DPYD: variants seen among roughly 807,000 people sequenced by gnomAD.
DPYD encodes the protein dihydropyrimidine dehydrogenase.
Under a neutral mutation model 116.2 loss-of-function variants are expected in DPYD, and 109 were observed. That is an observed-to-expected ratio of 0.94 (90% confidence interval 0.80 to 1.10). The LOEUF (loss-of-function observed/expected upper bound fraction) is 1.10. DPYD is among the 50% of genes least tolerant of loss of function. DPYD has a pLI of 0.00. For synonymous variants in DPYD, 440 were observed against 432.0 expected (o/e 1.02, Z -0.23); for missense variants, 1,302 against 1,254.5 (o/e 1.04, Z -0.57).
rs1667487348 is a variant in DPYD at position 97,311,095 on chromosome 1, T to C, written c.2059-4798A>G. Among the ~76,000 whole-genome samples, 3 of 151,620 alleles carry C rather than the reference T, an allele frequency of 2.0e-5. No individual in the cohort carries two copies. In the South Asian group the frequency reaches 6.2e-4, roughly 31 times the overall value. ...ACTGAGAATTAGGCTGGAGGAGCAA[T>C]TAAGTGGAAATAAGTATAAGAAAAT... On this transcript the variant is annotated intron_variant, in intron 16 of 22. Transcript: ENST00000370192.
intron 4 of DPYD, among the ~76,000 whole-genome samples, chr1:97,725,867 T>C (rs532709534): frequency 2.0e-5 from 3 of 151,610 alleles, no homozygotes; most frequent in East Asian, 3.9e-4. Flanking sequence ...AGGTTTTTTT[T>C]AGCGGTGATA....
At chr1:97,433,165 T>C (rs1156925883) in intron 14 of DPYD, among the ~76,000 whole-genome samples, 1 of 152,144 alleles carries the variant, frequency 6.6e-6, no homozygotes, top group Non-Finnish European at 1.5e-5. Flanking sequence ...TCAAGGCTTT[T>C]TCCCTGCCTT....
chr1:97,421,407 G>A (rs994660163), intron 14 of DPYD, among the ~76,000 whole-genome samples: 7 of 152,138 alleles, frequency 4.6e-5, no homozygotes, highest in Non-Finnish European at 8.8e-5. Flanking sequence ...ACTAAGACTC[G>A]TGAGGTTATC....
chr1:97,837,437 C>A (rs1348806852), intron 2 of DPYD, among the ~76,000 whole-genome samples: 1 of 152,066 alleles, frequency 6.6e-6, no homozygotes, highest in Non-Finnish European at 1.5e-5. Flanking sequence ...AAAATTCTGT[C>A]AAGAGATTTA....
intron 18 of DPYD, among the ~76,000 whole-genome samples, chr1:97,274,764 T>A (rs1664829460): frequency 6.6e-6 from 1 of 152,154 alleles, no homozygotes; most frequent in African/African-American, 2.4e-5. Flanking sequence ...AGGAAGTTGC[T>A]CCAGGTTGTC....
At chr1:97,261,438 A>G (rs1230386396) in intron 18 of DPYD, among the ~76,000 whole-genome samples, 1 of 150,086 alleles carries the variant, frequency 6.7e-6, no homozygotes, top group Non-Finnish European at 1.5e-5. Context: ...GACACTTGCT[A>G]GTGTGGATGA....
At chr1:97,612,814 T>C (rs1656030534) in intron 8 of DPYD, among the ~76,000 whole-genome samples, 1 of 152,022 alleles carries the variant, frequency 6.6e-6, no homozygotes, top group Non-Finnish European at 1.5e-5. Context: ...CCCCCAGTGC[T>C]GAGCAAGAGT....
At chr1:97,594,514 T>C (rs931090053) in intron 9 of DPYD, among the ~76,000 whole-genome samples, 2 of 152,192 alleles carry the variant, frequency 1.3e-5, no homozygotes, top group Non-Finnish European at 2.9e-5. Context: ...TTGAAGGATT[T>C]AGATTATCTG....
At chr1:97,714,655 CAAAAA>C (rs1193831747) in intron 5 of DPYD, among the ~76,000 whole-genome samples, 1 of 49,928 alleles carries the variant, frequency 2.0e-5, no homozygotes. Context: ...AAAGAAAAGA[CAAAAA>C]AAAAAAAAAA....
chr1:97,087,649 A>AT (rs1328994157), intron 21 of DPYD, among the ~76,000 whole-genome samples: 1 of 151,994 alleles, frequency 6.6e-6, no homozygotes, highest in Admixed American at 6.6e-5. Flanking sequence ...TGATCACTGT[A>AT]TTTTTTCTAT....
At chr1:97,842,655 G>A (rs1670093363) in intron 2 of DPYD, among the ~76,000 whole-genome samples, 1 of 151,932 alleles carries the variant, frequency 6.6e-6, no homozygotes, top group South Asian at 2.1e-4. Context: ...CAGCTTAAAT[G>A]TTGACTAGTT....
At chr1:97,761,952 C>T (rs1016536207) in intron 3 of DPYD, among the ~76,000 whole-genome samples, 2 of 152,074 alleles carry the variant, frequency 1.3e-5, no homozygotes, top group South Asian at 4.1e-4. Context: ...GTGAGTTCAA[C>T]ACTGAGTATA....
At chr1:97,487,786 G>T (rs1678731302) in intron 13 of DPYD, among the ~76,000 whole-genome samples, 1 of 152,166 alleles carries the variant, frequency 6.6e-6, no homozygotes, top group Non-Finnish European at 1.5e-5. Flanking sequence ...GTACTGGCAA[G>T]AATGTGGAAA....
intron 19 of DPYD, among the ~76,000 whole-genome samples, chr1:97,210,619 A>G (rs532279242): frequency 3.4e-4 from 52 of 152,290 alleles, no homozygotes; most frequent in Non-Finnish European, 6.6e-4. Flanking sequence ...TAGCTAGGAG[A>G]TAAGACATAC....
intron 20 of DPYD, among the ~76,000 whole-genome samples, chr1:97,122,237 T>A (rs1557875579): frequency 6.6e-6 from 1 of 152,106 alleles, no homozygotes; most frequent in Non-Finnish European, 1.5e-5. Context: ...AGAGGCTGGG[T>A]TTTACATGTT....
intron 20 of DPYD, among the ~76,000 whole-genome samples, chr1:97,151,287 T>C (rs1009155314): frequency 2.6e-5 from 4 of 152,206 alleles, no homozygotes; most frequent in African/African-American, 9.7e-5. Flanking sequence ...CTCTTTTGAT[T>C]CTTTACAACA....
intron 20 of DPYD, among the ~76,000 whole-genome samples, chr1:97,119,148 A>G (rs1459121693): frequency 1.3e-5 from 2 of 152,160 alleles, no homozygotes; most frequent in Non-Finnish European, 2.9e-5. Flanking sequence ...AACAATATTT[A>G]TTTGAAAAAA....
At chr1:97,428,682 T>A (rs1423232955) in intron 14 of DPYD, among the ~76,000 whole-genome samples, 2 of 151,732 alleles carry the variant, frequency 1.3e-5, no homozygotes, top group African/African-American at 4.8e-5. Flanking sequence ...TTCAGATTTT[T>A]AAAAATTAAA....
At chr1:97,083,449 TTATAA>T (rs1380988354) in intron 21 of DPYD, among the ~76,000 whole-genome samples, 2 of 152,124 alleles carry the variant, frequency 1.3e-5, no homozygotes, top group Non-Finnish European at 2.9e-5. Flanking sequence ...GATCTCTAAA[TTATAA>T]TATACTCATT....
Sources: gnomAD v4.1 joint callset for allele counts (sites outside exome capture counted in the v4.1 genomes callset) on GRCh38, gnomAD v4.1.1 for gene constraint, MANE v1.5 for transcripts, NCBI Gene and HGNC (gene_info 2026-07-23, HGNC 2026-07-21) for gene names.